The following CLEC16A variants were observed in gnomAD, a reference collection of about 807,000 sequenced individuals.
The protein encoded by CLEC16A is protein CLEC16A.
Under a neutral mutation model 109.5 loss-of-function variants are expected in CLEC16A, and 51 were observed. That is an observed-to-expected ratio of 0.47 (90% CI 0.37 to 0.59). The LOEUF is 0.59. Ranked by LOEUF, CLEC16A falls within the 20% of genes least tolerant of loss-of-function variation. The probability of loss-of-function intolerance (pLI) is 0.00; values close to 1 mark genes in which losing one functional copy is unlikely to be tolerated. For synonymous variants in CLEC16A, 673 were observed against 564.2 expected (o/e 1.19, Z -2.73); for missense variants, 1,339 against 1,394.0 (o/e 0.96, Z 0.63).
intron 19 of CLEC16A, among the ~76,000 whole-genome samples, chr16:11,073,290 A>C (rs2049171619): frequency 2.0e-5 from 3 of 152,066 alleles, no homozygotes; most frequent in Admixed American, 2.0e-4. Context: ...TAGACATTTA[A>C]TGGAGCAGCT....
intron 10 of CLEC16A, among the ~76,000 whole-genome samples, chr16:10,997,775 C>G (rs1369424591): frequency 6.6e-6 from 1 of 152,236 alleles, no homozygotes; most frequent in African/African-American, 2.4e-5. Context: ...AGACCTTTCG[C>G]TGTGTATTTT....
At chr16:11,141,058 G>C (rs936158505) in intron 22 of CLEC16A, among the ~76,000 whole-genome samples, 2 of 152,242 alleles carry the variant, frequency 1.3e-5, no homozygotes, top group African/African-American at 2.4e-5. Flanking sequence ...AGAGCTGCCT[G>C]CCCAAGGTCG....
chr16:10,978,487 G>C (rs2043141669), intron 8 of CLEC16A, among the ~76,000 whole-genome samples: 1 of 152,194 alleles, frequency 6.6e-6, no homozygotes, highest in Non-Finnish European at 1.5e-5. Flanking sequence ...GGCCGGGCTG[G>C]TCTCAAACTC....
intron 10 of CLEC16A, among the ~76,000 whole-genome samples, chr16:10,998,727 C>T (rs1023368504): frequency 1.3e-5 from 2 of 152,062 alleles, no homozygotes; most frequent in Non-Finnish European, 2.9e-5. Flanking sequence ...AACATTCATT[C>T]CTACAGCCAT....
At chr16:10,976,554 A>G (rs375506619) in intron 7 of CLEC16A, among the ~76,000 whole-genome samples, 3 of 152,342 alleles carry the variant, frequency 2.0e-5, no homozygotes, top group Non-Finnish European at 1.5e-5. Flanking sequence ...GTTGTCAAAA[A>G]TGATCATCTA....
At chr16:11,040,924 G>A (rs2047300815) in intron 14 of CLEC16A, 1 of 152,180 alleles carries the variant, frequency 6.6e-6, no homozygotes. Context: ...TCTGCCTTTA[G>A]TTTTTTCCCA....
chr16:11,120,000 T>G (rs2052284615), intron 19 of CLEC16A, among the ~76,000 whole-genome samples: 2 of 152,050 alleles, frequency 1.3e-5, no homozygotes, highest in Non-Finnish European at 1.5e-5. Flanking sequence ...GACGGAGTTT[T>G]GCTCTTATTG....
At chr16:11,115,375 G>A (rs1459709133) in intron 19 of CLEC16A, among the ~76,000 whole-genome samples, 1 of 152,140 alleles carries the variant, frequency 6.6e-6, no homozygotes, top group Non-Finnish European at 1.5e-5. Context: ...TTTAAGTTTT[G>A]TTTGTTTGTT....
intron 19 of CLEC16A, among the ~76,000 whole-genome samples, chr16:11,095,862 G>GT (rs1567311433): frequency 6.7e-6 from 1 of 149,950 alleles, no homozygotes. Flanking sequence ...TAGCTGTAGC[G>GT]TAAGATTGGC....
At chr16:11,011,743 TATAC>T (rs943430883) in intron 11 of CLEC16A, among the ~76,000 whole-genome samples, 4 of 152,194 alleles carry the variant, frequency 2.6e-5, no homozygotes, top group Middle Eastern at 3.2e-3. Flanking sequence ...TGTGCCTACA[TATAC>T]ATACATATAA....
At chr16:11,078,438 C>T (rs2049512359) in intron 19 of CLEC16A, among the ~76,000 whole-genome samples, 1 of 152,210 alleles carries the variant, frequency 6.6e-6, no homozygotes, top group Non-Finnish European at 1.5e-5. Flanking sequence ...CTAGTTCCCT[C>T]TAGGAACTCT....
At chr16:11,131,869 C>T (rs1236465036) in intron 22 of CLEC16A, among the ~76,000 whole-genome samples, 2 of 152,162 alleles carry the variant, frequency 1.3e-5, no homozygotes, top group African/African-American at 4.8e-5. Flanking sequence ...CCTTCAGCCG[C>T]ACTGGCTGGC....
chr16:11,136,408 A>C (rs910577342), intron 22 of CLEC16A: 2 of 152,244 alleles, frequency 1.3e-5, no homozygotes, highest in Non-Finnish European at 2.9e-5. Flanking sequence ...AAGTGCCCAG[A>C]ACAATGCCTG....
In CLEC16A at chr16:11,042,047, G is replaced by C. The variant is rs187559966; in HGVS notation, c.1661-207G>C. 3.9e-4 allele frequency: 219 copies of C among 563,476 alleles called. 1 individual carries two copies. The highest frequency in any genetic ancestry group is 3.9e-3 in the African/African-American group (205 of 52,948). 34.9% of individuals were successfully genotyped at this position (563,476 alleles called of 1,614,324 possible). A position where few individuals can be genotyped will look rare whatever the true frequency, so the allele number is the denominator to read the frequency against. On this transcript the variant is annotated intron_variant, in intron 14 of 23. Transcript: ENST00000409790. ...GGACTTCAGGGAAGTATTTGGTATA[G>C]GTAGTTTTGATGGAGAACATTGAAT...
At chr16:10,976,836 G>T (rs2043054438) in intron 7 of CLEC16A, among the ~76,000 whole-genome samples, 2 of 152,198 alleles carry the variant, frequency 1.3e-5, no homozygotes, top group Admixed American at 1.3e-4. Flanking sequence ...CACGGCTCTG[G>T]AGGCCTGCTT....
intron 11 of CLEC16A, among the ~76,000 whole-genome samples, chr16:11,005,550 C>G (rs2044948308): frequency 6.6e-6 from 1 of 152,190 alleles, no homozygotes; most frequent in Non-Finnish European, 1.5e-5. Flanking sequence ...ATGGATCTGT[C>G]ATTTTGTCAC....
At chr16:11,082,224 A>G (rs1031051650) in intron 19 of CLEC16A, among the ~76,000 whole-genome samples, 4 of 152,172 alleles carry the variant, frequency 2.6e-5, no homozygotes, top group African/African-American at 9.7e-5. Flanking sequence ...GTGTATGTAC[A>G]CCTGTACACG....
Position 11,003,312 on chromosome 16 carries a change from G to A in CLEC16A, c.1303+7G>A, listed in dbSNP as rs1490028479. The A allele has an allele frequency of 1.0e-5, 16 of 1,607,502 alleles. No individual in the cohort carries two copies. The highest frequency in any genetic ancestry group is 2.7e-5 in the African/African-American group (2 of 74,714). On this transcript the variant is annotated splice_region_variant and intron_variant, in intron 11 of 23. Transcript: ENST00000409790. ...ACGAGTGGGGAGAGTGAAGGTGAGT[G>A]TCCCCATGAACGCCGCCCTGTGCCT...
At chr16:10,993,675 T>G (rs2044164801) in intron 10 of CLEC16A, among the ~76,000 whole-genome samples, 1 of 152,232 alleles carries the variant, frequency 6.6e-6, no homozygotes, top group Admixed American at 6.5e-5. Flanking sequence ...ACAGTTCATC[T>G]TTTTCAAAAT....
Sources: allele counts gnomAD v4.1 joint callset (sites outside exome capture counted in the v4.1 genomes callset), GRCh38; gene constraint gnomAD v4.1.1; transcripts MANE v1.5; gene names NCBI Gene and HGNC (gene_info 2026-07-23, HGNC 2026-07-21).